The following RASSF3 variants were observed in gnomAD, a reference collection of about 807,000 sequenced individuals.
RASSF3 encodes the protein Ras association domain family member 3, also known as ras association domain-containing protein 3.
In RASSF3, 19 loss-of-function variants were observed where a neutral mutation model predicts 19.9. That is an observed-to-expected ratio of 0.96 (90% CI 0.67 to 1.40). The LOEUF is 1.40. Ranked by LOEUF, RASSF3 falls within the 40% of genes most tolerant of loss-of-function variation. The pLI is 0.00. For missense variants in RASSF3, 306 were observed against 289.8 expected, an observed-to-expected ratio of 1.06 and a Z score of -0.41; for synonymous variants, 110 against 104.2, an observed-to-expected ratio of 1.06 and a Z score of -0.34.
At chr12:64,659,440 C>T (rs189788969) in intron 1 of RASSF3, among the ~76,000 whole-genome samples, 12 of 152,142 alleles carry the variant, frequency 7.9e-5, no homozygotes, top group Admixed American at 3.3e-4. Flanking sequence ...AATTCCGAGG[C>T]GGTCTGAGCA....
At chr12:64,691,175 C>G (rs539481379) in intron 3 of RASSF3, among the ~76,000 whole-genome samples, 37 of 152,304 alleles carry the variant, frequency 2.4e-4, no homozygotes, top group Admixed American at 1.2e-3. Flanking sequence ...ACCTTGTTTT[C>G]TAAAAGGAAG....
chr12:64,668,273 T>TCTTCTTCTTCTTC (rs201241235), intron 1 of RASSF3, among the ~76,000 whole-genome samples: 3 of 132,428 alleles, frequency 2.3e-5, no homozygotes, highest in South Asian at 4.2e-4. Context: ...TTCTTCTTCT[T>TCTTCTTCTTCTTC]TTTTTTTTTT....
chr12:64,689,883 G>A (rs948393898), intron 3 of RASSF3, among the ~76,000 whole-genome samples: 1 of 143,218 alleles, frequency 7.0e-6, no homozygotes, highest in Non-Finnish European at 1.5e-5. Flanking sequence ...CACCTCCCGG[G>A]TTCACGCCAT....
chr12:64,672,586 GTATACTC>G (rs1872735920), intron 1 of RASSF3, among the ~76,000 whole-genome samples: 1 of 152,116 alleles, frequency 6.6e-6, no homozygotes, highest in Non-Finnish European at 1.5e-5. Context: ...CATGCTCACT[GTATACTC>G]TACCTTCTGG....
At chr12:64,599,963 C>T (rs144090870) in intron 2 of RASSF3, among the ~76,000 whole-genome samples, 2,646 of 136,060 alleles carry the variant, frequency 0.019, 77 homozygotes, top group African/African-American at 0.07. Context: ...ACCCAGGAGG[C>T]GGAGCTTGCG....
At chr12:64,567,432 G>A (rs1050137943) in intron 2 of RASSF3, among the ~76,000 whole-genome samples, 1 of 152,172 alleles carries the variant, frequency 6.6e-6, no homozygotes, top group Non-Finnish European at 1.5e-5. Context: ...GCCAGTAACT[G>A]TGTTCCAGCC....
chr12:64,689,620 T>G (rs1021239328), intron 3 of RASSF3, among the ~76,000 whole-genome samples: 2 of 152,152 alleles, frequency 1.3e-5, no homozygotes, highest in African/African-American at 4.8e-5. Flanking sequence ...CTGTACAATC[T>G]GAAAGTAATC....
chr12:64,510,459 G>A (rs901321728), intron 1 of RASSF3, among the ~76,000 whole-genome samples: 8 of 152,102 alleles, frequency 5.3e-5, no homozygotes, highest in Non-Finnish European at 7.3e-5. Context: ...TCATCTAAAG[G>A]TTGGCAGAAA....
intron 2 of RASSF3, among the ~76,000 whole-genome samples, chr12:64,591,812 T>C (rs1036775017): frequency 6.6e-6 from 1 of 152,194 alleles, no homozygotes; most frequent in East Asian, 1.9e-4. Context: ...TAAACCTAGA[T>C]ATAGTCACAT....
intron 2 of RASSF3, among the ~76,000 whole-genome samples, chr12:64,574,855 A>C (rs1869571435): frequency 6.6e-6 from 1 of 152,232 alleles, no homozygotes. Context: ...TGTGTAAGAC[A>C]TAAGTATCTA....
intron 2 of RASSF3, among the ~76,000 whole-genome samples, chr12:64,566,854 C>A (rs920567840): frequency 2.6e-5 from 4 of 152,146 alleles, no homozygotes; most frequent in African/African-American, 9.7e-5. Flanking sequence ...TTCTAGATTC[C>A]TAAAACTCTG....
chr12:64,645,585 TTC>T (rs1263388086), intron 1 of RASSF3, among the ~76,000 whole-genome samples: 12 of 152,116 alleles, frequency 7.9e-5, no homozygotes, highest in African/African-American at 2.4e-4. Flanking sequence ...TAGGTGTGTA[TTC>T]TGTTTCATTA....
At chr12:64,540,692 T>C (rs935696034) in intron 1 of RASSF3, among the ~76,000 whole-genome samples, 14 of 152,248 alleles carry the variant, frequency 9.2e-5, no homozygotes, top group African/African-American at 3.1e-4. Flanking sequence ...TGGTGTTTTA[T>C]GCCTGTAATC....
chr12:64,674,512 C>T (rs1263931383), intron 1 of RASSF3, among the ~76,000 whole-genome samples: 5 of 152,112 alleles, frequency 3.3e-5, no homozygotes, highest in Admixed American at 6.6e-5. Flanking sequence ...GCCTGGGAGG[C>T]GGAGGTTGCA....
chr12:64,596,573 A>C (rs902729905), intron 2 of RASSF3, among the ~76,000 whole-genome samples: 1 of 152,092 alleles, frequency 6.6e-6, no homozygotes, highest in African/African-American at 2.4e-5. Context: ...AGTTTCACAA[A>C]CTATGGTCAG....
chr12:64,666,733 T>C (rs1404870204), intron 1 of RASSF3, among the ~76,000 whole-genome samples: 1 of 152,206 alleles, frequency 6.6e-6, no homozygotes, highest in Non-Finnish European at 1.5e-5. Flanking sequence ...CTGTCCCACA[T>C]GTCCCACCTA....
chr12:64,514,188 CTTTTTTTT>C (rs138925359), intron 1 of RASSF3, among the ~76,000 whole-genome samples: 28 of 78,006 alleles, frequency 3.6e-4, no homozygotes, highest in African/African-American at 1.8e-3. Flanking sequence ...CGCTCAGCCT[CTTTTTTTT>C]TTTTTTTTTT....
At chr12:64,612,250 T>G (rs1870394463) in intron 1 of RASSF3, among the ~76,000 whole-genome samples, 1 of 152,132 alleles carries the variant, frequency 6.6e-6, no homozygotes, top group African/African-American at 2.4e-5. Context: ...CATTTTCTCC[T>G]TTCATTTATG....
intron 2 of RASSF3, among the ~76,000 whole-genome samples, chr12:64,563,935 T>C (rs971348738): frequency 6.6e-5 from 10 of 152,204 alleles, no homozygotes; most frequent in African/African-American, 2.2e-4. Flanking sequence ...AATGTAAGTT[T>C]CATCAGCGAA....
Sources: gnomAD v4.1 joint callset for allele counts (sites outside exome capture counted in the v4.1 genomes callset) on GRCh38, gnomAD v4.1.1 for gene constraint, MANE v1.5 for transcripts, NCBI Gene and HGNC (gene_info 2026-07-23, HGNC 2026-07-21) for gene names.